Variants in C1QTNF3 observed in about 807,000 individuals in gnomAD.
C1QTNF3 encodes complement C1q tumor necrosis factor-related protein 3.
A neutral mutation model predicts 32.6 loss-of-function variants in C1QTNF3; 26 were observed. That is an observed-to-expected ratio of 0.80 (90% CI 0.58 to 1.11). The LOEUF is 1.11. Ranked by LOEUF, C1QTNF3 falls within the 50% of genes least tolerant of loss-of-function variation. C1QTNF3 has a pLI of 0.00. For missense variants in C1QTNF3, 362 were observed against 398.2 expected, an observed-to-expected ratio of 0.91 and a Z score of 0.77; for synonymous variants, 155 against 146.0, an observed-to-expected ratio of 1.06 and a Z score of -0.44.
At chr5:34,122,474 A>C in the C1QTNF3 span, among the ~76,000 whole-genome samples, 1 of 152,280 alleles carries the variant, frequency 6.6e-6, no homozygotes, top group Non-Finnish European at 1.5e-5. Context: ...TTTTCAGGAA[A>C]GTAGAAATTG....
chr5:34,164,593 G>A, the C1QTNF3 span: 1 of 151,772 alleles, frequency 6.6e-6, no homozygotes, highest in South Asian at 2.1e-4. Flanking sequence ...CTTAAAATGA[G>A]AAGCTACAAA....
the C1QTNF3 span, chr5:34,166,817 T>A: frequency 6.6e-6 from 1 of 152,008 alleles, no homozygotes; most frequent in Non-Finnish European, 1.5e-5. Flanking sequence ...GTGAGAGTTA[T>A]GATCGGTTAC....
At position 34,034,641 on chromosome 5, in the gene C1QTNF3, G is replaced by A. The variant is rs527805668; in HGVS notation, c.415+1006C>T. 3.3e-5 allele frequency among the ~76,000 whole-genome samples: 5 copies of A among 152,244 alleles called. No homozygotes were observed. The East Asian group carries it at 5.8e-4, about 18-fold the overall frequency. ...TTTGACTGTGTTTACAAATTAATGT[G>A]TTCAGTGACAAAGCCATTTCCTGGT... On this transcript the variant is annotated intron_variant, in intron 2 of 5. Transcript: ENST00000382065.
At chr5:34,100,226 A>G in the C1QTNF3 span, among the ~76,000 whole-genome samples, 154 of 152,284 alleles carry the variant, frequency 1.0e-3, no homozygotes, top group African/African-American at 3.5e-3. Flanking sequence ...CAAAAGGCCA[A>G]ATGCTCTATG....
At chr5:34,156,689 G>A in the C1QTNF3 span, among the ~76,000 whole-genome samples, 1 of 152,178 alleles carries the variant, frequency 6.6e-6, no homozygotes, top group East Asian at 1.9e-4. Context: ...GATGTTACTA[G>A]ATATTATATG....
intron 5 of C1QTNF3, among the ~76,000 whole-genome samples, chr5:34,021,310 T>C (rs148919794): frequency 2.3e-3 from 356 of 152,302 alleles, no homozygotes; most frequent in African/African-American, 8.3e-3. Flanking sequence ...CAAAAACATT[T>C]GGAAAATGTG....
the C1QTNF3 span, among the ~76,000 whole-genome samples, chr5:34,090,555 AATATT>A: frequency 2.0e-5 from 3 of 152,054 alleles, no homozygotes; most frequent in African/African-American, 7.2e-5. Context: ...ATTCGTTTAC[AATATT>A]ATGATTGCTC....
chr5:34,023,855 C>T (rs1754399642), intron 5 of C1QTNF3, 54 bp downstream of exon 5: 3 of 1,458,140 alleles, frequency 2.1e-6, no homozygotes, highest in Non-Finnish European at 1.9e-6. Flanking sequence ...TTAGGCATTC[C>T]TTGAACAAAC....
At chr5:34,141,743 G>A in the C1QTNF3 span, among the ~76,000 whole-genome samples, 1 of 152,128 alleles carries the variant, frequency 6.6e-6, no homozygotes, top group East Asian at 1.9e-4. Context: ...ATAACAAAGA[G>A]GGTGGTGTCA....
the C1QTNF3 span, among the ~76,000 whole-genome samples, chr5:34,051,315 C>G: frequency 6.6e-6 from 1 of 152,122 alleles, no homozygotes; most frequent in African/African-American, 2.4e-5. Context: ...ATTGTTTACA[C>G]CTTTGAGGTG....
chr5:34,069,323 C>T, the C1QTNF3 span, among the ~76,000 whole-genome samples: 2 of 150,444 alleles, frequency 1.3e-5, no homozygotes, highest in Non-Finnish European at 3.0e-5. Flanking sequence ...TCAACAGATC[C>T]CTTGCATGAT....
the C1QTNF3 span, among the ~76,000 whole-genome samples, chr5:34,049,119 T>C: frequency 6.6e-6 from 1 of 152,240 alleles, no homozygotes; most frequent in Non-Finnish European, 1.5e-5. Context: ...GACAATCTTT[T>C]GAGTCTTTCT....
chr5:34,088,103 C>A, the C1QTNF3 span, among the ~76,000 whole-genome samples: 1 of 152,268 alleles, frequency 6.6e-6, no homozygotes, highest in Non-Finnish European at 1.5e-5. Context: ...AAATATGGTG[C>A]TCAATAAGCA....
the C1QTNF3 span, among the ~76,000 whole-genome samples, chr5:34,144,901 A>G: frequency 6.6e-6 from 1 of 152,146 alleles, no homozygotes; most frequent in Non-Finnish European, 1.5e-5. Context: ...AGGCTGAGGC[A>G]GGTGGATCAC....
At chr5:34,091,216 A>G in the C1QTNF3 span, among the ~76,000 whole-genome samples, 2 of 152,216 alleles carry the variant, frequency 1.3e-5, no homozygotes, top group East Asian at 3.8e-4. Context: ...TGACATGCTG[A>G]CCTGTTGCAG....
the C1QTNF3 span, among the ~76,000 whole-genome samples, chr5:34,213,209 T>C: frequency 6.6e-6 from 1 of 152,096 alleles, no homozygotes; most frequent in East Asian, 1.9e-4. Context: ...TGTAAAACAA[T>C]GGCTCATTAA....
the C1QTNF3 span, among the ~76,000 whole-genome samples, chr5:34,119,114 C>A: frequency 7.2e-5 from 11 of 152,216 alleles, no homozygotes; most frequent in South Asian, 1.2e-3. Flanking sequence ...GAAATAATGT[C>A]AGCTCTTAAT....
upstream of C1QTNF3, among the ~76,000 whole-genome samples, chr5:34,045,163 T>C (rs1754966678): frequency 6.6e-6 from 1 of 152,214 alleles, no homozygotes; most frequent in African/African-American, 2.4e-5. Context: ...TCTCTGGCTC[T>C]CACCATCATG....
At chr5:34,072,367 GAAAGAGAAAGAAAGAAAGAAAGAAAGAA>G in the C1QTNF3 span, among the ~76,000 whole-genome samples, 3 of 109,762 alleles carry the variant, frequency 2.7e-5, no homozygotes, top group South Asian at 5.9e-4. Flanking sequence ...AATTAAAAAA[GAAAGAGAAAGAAAGAAAGAAAGAAAGAA>G]AGAAAGAAAG....
Sources: gnomAD v4.1 joint callset for allele counts (sites outside exome capture counted in the v4.1 genomes callset) on GRCh38, gnomAD v4.1.1 for gene constraint, MANE v1.5 for transcripts, NCBI Gene and HGNC (gene_info 2026-07-23, HGNC 2026-07-21) for gene names.